The following NKD1 variants were observed in gnomAD, a reference collection of about 807,000 sequenced individuals.
NKD1 encodes NKD inhibitor of Wnt signaling pathway 1.
In NKD1, 21 loss-of-function variants were observed where a neutral mutation model predicts 56.0. The ratio of observed to expected loss-of-function variants is 0.38; its 90% CI spans 0.27 to 0.54. NKD1 has a LOEUF of 0.54. Ranked by LOEUF, NKD1 falls within the 20% of genes least tolerant of loss-of-function variation. NKD1 has a pLI of 0.82. For missense variants in NKD1, 578 were observed against 642.7 expected, an observed-to-expected ratio of 0.90 and a Z score of 1.09; for synonymous variants, 263 against 265.7, an observed-to-expected ratio of 0.99 and a Z score of 0.10.
intron 3 of NKD1, among the ~76,000 whole-genome samples, chr16:50,589,741 TCTCTTCTCTTCTC>T (rs1404844553): frequency 9.6e-6 from 1 of 104,070 alleles, no homozygotes; most frequent in Non-Finnish European, 1.9e-5. Context: ...TCTCTTCTCT[TCTCTTCTCTTCTC>T]TTCTCTTCTC....
chr16:50,594,556 G>A (rs1273642968), intron 3 of NKD1, among the ~76,000 whole-genome samples: 2 of 152,246 alleles, frequency 1.3e-5, no homozygotes, highest in African/African-American at 4.8e-5. Flanking sequence ...AAGAAGCCAA[G>A]CACAGGTGCC....
intron 3 of NKD1, among the ~76,000 whole-genome samples, chr16:50,587,518 T>G (rs1961257029): frequency 6.6e-6 from 1 of 152,264 alleles, no homozygotes; most frequent in South Asian, 2.1e-4. Context: ...GTTCTCTGGC[T>G]TCTATGTCTG....
intron 3 of NKD1, among the ~76,000 whole-genome samples, chr16:50,605,261 T>A (rs1244163955): frequency 6.6e-6 from 1 of 152,244 alleles, no homozygotes; most frequent in Non-Finnish European, 1.5e-5. Context: ...ACTTGGTAGA[T>A]GACGGGTGAC....
chr16:50,609,812 C>T (rs1961802303), intron 4 of NKD1, among the ~76,000 whole-genome samples: 1 of 152,156 alleles, frequency 6.6e-6, no homozygotes, highest in East Asian at 1.9e-4. Context: ...TAAGCAGGCC[C>T]CAGATCAAGG....
rs1244351613 is a variant in NKD1 at position 50,632,488 on chromosome 16, T to C, written c.823+80T>C. 28 of 1,422,000 alleles carry C rather than the reference T, an allele frequency of 2.0e-5. No individual in the cohort carries two copies. The highest frequency in any genetic ancestry group is 1.8e-4 in the Middle Eastern group (1 of 5,428). 88.1% of individuals were successfully genotyped at this position (1,422,000 alleles called of 1,614,324 possible). A position where few individuals can be genotyped will look rare whatever the true frequency, so the allele number is the denominator to read the frequency against. On this transcript the variant is annotated intron_variant, in intron 9 of 9. Coordinates refer to ENST00000268459, the MANE Select transcript of NKD1 (RefSeq NM_033119.5). The surrounding 1 kb of genome is among the most constrained non-coding windows in gnomAD (Gnocchi z 4.1). ...GGCCAGGCGGGCCGTGCGGGTGGTG[T>C]TCACTGCTACCCCAGGCTTCGGTAA...
At chr16:50,604,547 C>A (rs1961664671) in intron 3 of NKD1, among the ~76,000 whole-genome samples, 1 of 152,242 alleles carries the variant, frequency 6.6e-6, no homozygotes, top group Non-Finnish European at 1.5e-5. Context: ...ATGACTTCCT[C>A]ACTCCTCACA....
At chr16:50,608,407 A>C (rs1240088454) in intron 4 of NKD1, 47 bp downstream of exon 4, 1 of 1,378,634 alleles carries the variant, frequency 7.3e-7, no homozygotes, top group East Asian at 2.4e-5. Context: ...GAGTGGGGGA[A>C]GCGGGTGTTC....
chr16:50,606,612 G>A lies in NKD1; in HGVS notation c.193-1682G>A, dbSNP rs1453590328. On this transcript the variant is annotated intron_variant, in intron 3 of 9. Transcript: ENST00000268459. The stretch of plus-strand genomic sequence containing the variant: ...TCATAGGGTCCCACACGGCTGCCTT[G>A]TTGGTGGCGATGTCTGGAGTCTTTA... The A allele has an allele frequency of 3.5e-5, 13 of 368,882 alleles. 1 individual carries two copies. The highest frequency in any genetic ancestry group is 2.5e-4 in the Admixed American group (8 of 31,550). 22.9% of individuals were successfully genotyped at this position (368,882 alleles called of 1,614,324 possible).
chr16:50,649,022 C>T lies in NKD1; in HGVS notation c.*15241C>T, dbSNP rs1416863878. ...GAAGCAATCAACTTCTCACTTGTTTCAACCACTTTCACTTGCAGTCAAACC... is the reference window on the plus strand; with the variant it reads ...GAAGCAATCAACTTCTCACTTGTTTTAACCACTTTCACTTGCAGTCAAACC... On this transcript the variant is annotated 3_prime_UTR_variant, in exon 10 of 10. Transcript: ENST00000268459. The T allele has an allele frequency of 3.3e-5, 5 of 152,214 alleles. No individual in the cohort carries two copies. The highest frequency in any genetic ancestry group is 7.3e-5 in the Non-Finnish European group (5 of 68,036). 9.4% of individuals were successfully genotyped at this position (152,214 alleles called of 1,614,324 possible).
intron 3 of NKD1, chr16:50,574,517 G>A (rs1030063722): frequency 2.3e-5 from 23 of 985,270 alleles, no homozygotes; most frequent in Non-Finnish European, 2.7e-5. Context: ...GCTGGTGGCC[G>A]AGGCCCAGGC....
chr16:50,565,026 A>T (rs1312443858), intron 3 of NKD1, among the ~76,000 whole-genome samples: 7 of 152,172 alleles, frequency 4.6e-5, no homozygotes, highest in Non-Finnish European at 1.0e-4. Context: ...AAGACCAGGA[A>T]GCATTGGTAT....
chr16:50,599,259 A>G (rs753772364), intron 3 of NKD1, among the ~76,000 whole-genome samples: 7 of 152,256 alleles, frequency 4.6e-5, no homozygotes, highest in Non-Finnish European at 8.8e-5. Context: ...GGGACACGCT[A>G]TTTGAGCCAG....
intron 3 of NKD1, among the ~76,000 whole-genome samples, chr16:50,565,357 G>C (rs553185198): frequency 4.8e-4 from 72 of 148,862 alleles, no homozygotes; most frequent in Non-Finnish European, 7.3e-4. Context: ...GGGCAACAGA[G>C]TGAGACTCCG....
intron 3 of NKD1, chr16:50,555,223 C>G (rs576641336): frequency 6.6e-6 from 1 of 152,518 alleles, no homozygotes; most frequent in East Asian, 1.9e-4. Context: ...CGGGAGGCTT[C>G]TGTGTGGAAT....
chr16:50,630,714 A>G (rs1344879822), intron 7 of NKD1, 112 bp from the exon 8 acceptor site: 2 of 887,248 alleles, frequency 2.3e-6, no homozygotes, highest in African/African-American at 1.7e-5. Flanking sequence ...GCCCCAGCTC[A>G]GGGAACCCTC....
intron 7 of NKD1, 26 bp from the exon 8 acceptor site, chr16:50,630,800 T>G: frequency 6.4e-7 from 1 of 1,564,630 alleles, no homozygotes; most frequent in Middle Eastern, 1.7e-4. Context: ...ACCTGGTGTC[T>G]CCTGTGCTTC....
intron 4 of NKD1, among the ~76,000 whole-genome samples, chr16:50,611,565 T>C (rs1385963021): frequency 6.6e-6 from 1 of 151,916 alleles, no homozygotes; most frequent in Non-Finnish European, 1.5e-5. Context: ...GTGCCTGGAG[T>C]TGGTGGTTCT....
At chr16:50,613,575 A>C (rs1012485713) in intron 4 of NKD1, 1 of 152,226 alleles carries the variant, frequency 6.6e-6, no homozygotes, top group Non-Finnish European at 1.5e-5. Flanking sequence ...GACAGAGAAC[A>C]AGCGGACTTT....
chr16:50,632,266 C>A lies in NKD1; in HGVS notation c.696-15C>A. The stretch of plus-strand genomic sequence containing the variant: ...TGGTTGGTGTTATCCCACTCACTTG[C>A]CTCCCCTGCCGTAGGTTCCAGGGTG... On this transcript the variant is annotated splice_polypyrimidine_tract_variant and intron_variant, in intron 8 of 9. Transcript: ENST00000268459. This position sits in a 1 kb window ranked among gnomAD's most constrained non-coding sequence, Gnocchi z 4.1. 1 of 1,613,748 alleles carries A rather than the reference C, an allele frequency of 6.2e-7. No homozygotes were observed. Among genetic ancestry groups the A allele is most frequent in the Non-Finnish European group, 8.5e-7 (1 of 1,179,706 alleles).
Sources: allele counts gnomAD v4.1 joint callset (sites outside exome capture counted in the v4.1 genomes callset), GRCh38; gene constraint gnomAD v4.1.1; non-coding constraint Gnocchi (gnomAD v3.1); transcripts MANE v1.5; gene names NCBI Gene and HGNC (gene_info 2026-07-23, HGNC 2026-07-21).